Variants in TYR observed in about 807,000 individuals in gnomAD.
The protein encoded by TYR is tyrosinase, also known as LB24-AB.
In TYR, 58 loss-of-function variants were observed where a neutral mutation model predicts 51.5. The ratio of observed to expected loss-of-function variants is 1.13; its 90% confidence interval spans 0.91 to 1.40. TYR has a LOEUF of 1.40. Ranked by LOEUF, TYR falls within the 40% of genes most tolerant of loss-of-function variation. The pLI, the probability that TYR is intolerant of heterozygous loss-of-function variation, is 0.00. For missense variants in TYR, 732 were observed against 647.4 expected, an observed-to-expected ratio of 1.13 and a Z score of -1.42; for synonymous variants, 263 against 235.2, an observed-to-expected ratio of 1.12 and a Z score of -1.08.
chr11:89,289,215 A>C (rs1944829030), intron 4 of TYR, among the ~76,000 whole-genome samples: 1 of 152,054 alleles, frequency 6.6e-6, no homozygotes, highest in Non-Finnish European at 1.5e-5. Flanking sequence ...CATACATTAC[A>C]AAAGACCTGG....
chr11:89,228,261 G>T (rs1006536569), intron 3 of TYR, among the ~76,000 whole-genome samples: 2 of 152,154 alleles, frequency 1.3e-5, no homozygotes, highest in Admixed American at 1.3e-4. Flanking sequence ...CTAGATCCTG[G>T]TAGAAGGTAA....
intron 2 of TYR, among the ~76,000 whole-genome samples, chr11:89,225,205 G>A (rs1229881202): frequency 6.6e-6 from 1 of 151,844 alleles, no homozygotes; most frequent in Non-Finnish European, 1.5e-5. Context: ...ATGCTTTGAT[G>A]TATGTATACA....
intron 3 of TYR, among the ~76,000 whole-genome samples, chr11:89,268,888 A>G (rs1420354637): frequency 6.6e-6 from 1 of 151,862 alleles, no homozygotes; most frequent in African/African-American, 2.4e-5. Flanking sequence ...CTGTCAGTCT[A>G]CGCATTCTAT....
At chr11:89,218,036 G>A (rs1175388484) in intron 2 of TYR, among the ~76,000 whole-genome samples, 1 of 152,042 alleles carries the variant, frequency 6.6e-6, no homozygotes, top group South Asian at 2.1e-4. Context: ...TCCCCTCCAT[G>A]CTGAACAACA....
chr11:89,232,490 A>C (rs79137226), intron 3 of TYR, among the ~76,000 whole-genome samples: 9,331 of 142,582 alleles, frequency 0.065, 2,503 homozygotes, highest in African/African-American at 0.25. Context: ...AGTGGGAGGT[A>C]AACATTGGCT....
At chr11:89,226,308 C>A (rs984432608) in intron 2 of TYR, among the ~76,000 whole-genome samples, 2 of 152,112 alleles carry the variant, frequency 1.3e-5, no homozygotes, top group African/African-American at 4.8e-5. Context: ...CCCCTCTAAG[C>A]CCTTTCTTTC....
chr11:89,246,969 G>C (rs1016782122), intron 3 of TYR, among the ~76,000 whole-genome samples: 1 of 152,130 alleles, frequency 6.6e-6, no homozygotes, highest in African/African-American at 2.4e-5. Context: ...CAATCAGATG[G>C]GATGGCAGAG....
At chr11:89,261,611 T>C (rs1944457077) in intron 3 of TYR, among the ~76,000 whole-genome samples, 1 of 152,076 alleles carries the variant, frequency 6.6e-6, no homozygotes, top group African/African-American at 2.4e-5. Flanking sequence ...TCAACTATAA[T>C]AGAGACTTTT....
intron 3 of TYR, among the ~76,000 whole-genome samples, chr11:89,263,680 G>C (rs1328326804): frequency 6.6e-6 from 1 of 151,972 alleles, no homozygotes; most frequent in Admixed American, 6.6e-5. Flanking sequence ...AAAATCAGTT[G>C]TATTTCTAAA....
intron 2 of TYR, among the ~76,000 whole-genome samples, chr11:89,215,669 T>A (rs1943823366): frequency 1.3e-5 from 2 of 152,214 alleles, no homozygotes; most frequent in African/African-American, 4.8e-5. Flanking sequence ...CAATCATGAT[T>A]GTGTTGCACA....
At chr11:89,258,388 G>A (rs1944419977) in intron 3 of TYR, among the ~76,000 whole-genome samples, 1 of 146,564 alleles carries the variant, frequency 6.8e-6, no homozygotes, top group African/African-American at 2.5e-5. Context: ...TTCCTCAAAG[G>A]AAAAATAAAG....
chr11:89,264,303 G>A (rs557074130), intron 3 of TYR, among the ~76,000 whole-genome samples: 1 of 152,042 alleles, frequency 6.6e-6, no homozygotes, highest in South Asian at 2.1e-4. Flanking sequence ...GTCCATTTGG[G>A]TGGCAAGTTC....
At position 89,178,513 on chromosome 11, in the gene TYR, C is replaced by T; in HGVS notation, c.560C>T (p.Ala187Val). ...ATGCATTATTATGTGTCAATGGATG[C>T]ACTGCTTGGGGGATCTGAAATCTGG... Reference protein sequence around the residue: ...VWMHYYVSMDALLGGSEIWRD... With the variant: ...VWMHYYVSMDVLLGGSEIWRD... The change falls in exon 1 of 5, where the codon GCA becomes GTA. Residue 187 changes from alanine (A) to valine (V), a missense_variant. Physicochemically the swap from Ala to Val is moderately conservative, Grantham distance 64. Transcript: ENST00000263321. The T allele has an allele frequency of 1.9e-6, 3 of 1,614,144 alleles. No homozygotes were observed. The highest frequency in any genetic ancestry group is 2.5e-6 in the Non-Finnish European group (3 of 1,180,012).
chr11:89,202,286 G>A (rs994205910), intron 2 of TYR, among the ~76,000 whole-genome samples: 4 of 152,008 alleles, frequency 2.6e-5, no homozygotes, highest in Admixed American at 6.6e-5. Context: ...TGTCTACAGT[G>A]GATTGGGTGC....
chr11:89,224,216 AC>A (rs1298479498), intron 2 of TYR, among the ~76,000 whole-genome samples: 3 of 152,288 alleles, frequency 2.0e-5, no homozygotes, highest in African/African-American at 7.2e-5. Context: ...GCAACTATTT[AC>A]CACATGCAAC....
chr11:89,239,303 T>C (rs978560361), intron 3 of TYR, among the ~76,000 whole-genome samples: 8 of 152,142 alleles, frequency 5.3e-5, no homozygotes, highest in Non-Finnish European at 1.2e-4. Context: ...GATTCAGTTT[T>C]GGACATTGTG....
At chr11:89,264,256 G>A (rs1381871727) in intron 3 of TYR, among the ~76,000 whole-genome samples, 1 of 151,976 alleles carries the variant, frequency 6.6e-6, no homozygotes, top group Non-Finnish European at 1.5e-5. Flanking sequence ...GATACAAATA[G>A]AACTGCTCTA....
At chr11:89,291,364 A>T (rs1944851430) in intron 4 of TYR, among the ~76,000 whole-genome samples, 2 of 151,912 alleles carry the variant, frequency 1.3e-5, no homozygotes, top group Admixed American at 1.3e-4. Flanking sequence ...GCCGTATTTT[A>T]TTTTTTTACT....
At chr11:89,201,826 T>C (rs1943602206) in intron 2 of TYR, among the ~76,000 whole-genome samples, 1 of 152,174 alleles carries the variant, frequency 6.6e-6, no homozygotes, top group African/African-American at 2.4e-5. Flanking sequence ...AATAAAATAT[T>C]GGGATTGTAG....
Sources: gnomAD v4.1 joint callset for allele counts (sites outside exome capture counted in the v4.1 genomes callset) on GRCh38, gnomAD v4.1.1 for gene constraint, MANE v1.5 for transcripts, NCBI Gene and HGNC (gene_info 2026-07-23, HGNC 2026-07-21) for gene names.